Variants in R3HDM1 observed in about 807,000 individuals in gnomAD.
R3HDM1 encodes the protein R3H domain-containing protein 1.
In R3HDM1, 46 loss-of-function variants were observed where a neutral mutation model predicts 141.1. The ratio of observed to expected loss-of-function variants is 0.33; its 90% CI spans 0.26 to 0.42. The LOEUF (loss-of-function observed/expected upper bound fraction) is 0.42, where lower values mean the gene tolerates loss of function less well. Among genes scored for constraint, R3HDM1 ranks in the 10% least tolerant of loss-of-function variants. The probability of loss-of-function intolerance (pLI) is 1.00; values close to 1 mark genes in which losing one functional copy is unlikely to be tolerated. For missense variants in R3HDM1, 1,184 were observed against 1,368.3 expected, an observed-to-expected ratio of 0.87 and a Z score of 2.12; for synonymous variants, 435 against 472.9, an observed-to-expected ratio of 0.92 and a Z score of 1.04.
At chr2:135,652,973 T>C (rs888811976) in intron 18 of R3HDM1, among the ~76,000 whole-genome samples, 68 of 152,108 alleles carry the variant, frequency 4.5e-4, no homozygotes, top group African/African-American at 1.6e-3. Flanking sequence ...CCTTTTTATT[T>C]CTTGGTATTG....
At chr2:135,690,615 GT>G (rs1344334028) in intron 21 of R3HDM1, among the ~76,000 whole-genome samples, 1 of 152,162 alleles carries the variant, frequency 6.6e-6, no homozygotes, top group Non-Finnish European at 1.5e-5. Flanking sequence ...GAAAGATACT[GT>G]TGAAGGAATA....
rs369462989 is a variant in R3HDM1, at chr2:135,645,490, C to A, written c.1586C>A (p.Pro529Gln). The A allele has an allele frequency of 3.7e-6, 6 of 1,614,004 alleles. No homozygotes were observed. The African/African-American group carries it at 8.0e-5, about 22-fold the overall frequency. ...PGPPQPPLPA[P>Q]PQQPAANHIF... Reference sequence around the variant, plus strand: ...CCTCCACAGCCACCTCTGCCAGCCCCACCTCAACAACCAGCAGCTAATCAC... The same window carrying A: ...CCTCCACAGCCACCTCTGCCAGCCCAACCTCAACAACCAGCAGCTAATCAC... Residue 529 changes from proline to glutamine, a missense_variant, in exon 16 of 27, where the codon CCA becomes CAA. By Grantham distance (76) the Pro-to-Gln change is moderately conservative. Around this residue, in one of 5 missense-constraint regions of R3HDM1, gnomAD observed 563 missense variants for 562.0 expected, o/e 1.00. Transcript: ENST00000683871.
intron 21 of R3HDM1, among the ~76,000 whole-genome samples, chr2:135,702,613 G>C (rs1307763202): frequency 6.8e-6 from 1 of 147,726 alleles, no homozygotes; most frequent in African/African-American, 2.5e-5. Flanking sequence ...TCATGACACT[G>C]CACTCCAGCC....
In R3HDM1 at chr2:135,631,981, C is replaced by T. The variant is rs1456387348; in HGVS notation, c.678C>T (p.Asn226=). The change falls in exon 9 of 27, where the codon AAC becomes AAT. Residue 226 remains asparagine, a synonymous_variant. Transcript: ENST00000683871. ...AGAGTGGGAAGTCTGTCATAGTAAA[C>T]AAAACTAGCAATACAAGAATGTAAG... ...VDQSGKSVIV[N]KTSNTRIPDQ... is the part of the protein sequence containing the mutation. 6.2e-7 allele frequency: 1 copy of T among 1,606,982 alleles called. No homozygotes were observed. The highest frequency in any genetic ancestry group is 2.2e-5 in the East Asian group (1 of 44,624).
chr2:135,571,470 C>T (rs1467744933), intron 1 of R3HDM1, among the ~76,000 whole-genome samples: 2 of 151,696 alleles, frequency 1.3e-5, no homozygotes, highest in Admixed American at 6.6e-5. Context: ...GGACTACATG[C>T]GCACACCACC....
intron 21 of R3HDM1, among the ~76,000 whole-genome samples, chr2:135,706,927 G>A (rs1158450178): frequency 1.3e-5 from 2 of 152,082 alleles, no homozygotes; most frequent in East Asian, 1.9e-4. Context: ...CCGGGCAGAG[G>A]GGCTCCTCAC....
In R3HDM1 at chr2:135,670,832, C is replaced by T. The variant is rs151183773; in HGVS notation, c.2153-4500C>T. Among the ~76,000 whole-genome samples, 1,489 of 152,048 alleles carry T rather than the reference C, an allele frequency of 9.8e-3. 22 individuals are homozygous for T. The highest frequency in any genetic ancestry group is 0.034 in the African/African-American group (1,418 of 41,462). On this transcript the variant is annotated intron_variant, in intron 19 of 26. Coordinates refer to ENST00000683871, the MANE Select transcript of R3HDM1 (RefSeq NM_001378107.1). ...CAGCACTTTGGGAGGCCAACAGGGG[C>T]GGTTCACTCTGAGCTCAGGAGTTCA...
At chr2:135,577,191 A>G (rs1161767426) in intron 1 of R3HDM1, 1 of 984,086 alleles carries the variant, frequency 1.0e-6, no homozygotes. Flanking sequence ...AGAGACAACC[A>G]AAGATTGACA....
At chr2:135,657,786 GATTAAGAGAACTTC>G (rs1467221846) in intron 18 of R3HDM1, among the ~76,000 whole-genome samples, 1 of 152,194 alleles carries the variant, frequency 6.6e-6, no homozygotes, top group Non-Finnish European at 1.5e-5. Context: ...AACTAGGTCA[GATTAAGAGAACTTC>G]ATTACTAATA....
chr2:135,629,093 G>T (rs932100366), intron 7 of R3HDM1, among the ~76,000 whole-genome samples: 4 of 152,062 alleles, frequency 2.6e-5, no homozygotes, highest in African/African-American at 9.7e-5. Flanking sequence ...GAGGCGGGTG[G>T]ATCACCTTAG....
intron 21 of R3HDM1, among the ~76,000 whole-genome samples, chr2:135,693,535 C>T (rs1220281643): frequency 6.6e-6 from 1 of 151,970 alleles, no homozygotes; most frequent in Non-Finnish European, 1.5e-5. Flanking sequence ...CTGGCTGTGA[C>T]CAGAAGAGGT....
At chr2:135,616,081 G>A in intron 3 of R3HDM1, 71 bp from the exon 4 acceptor site, 1 of 1,453,270 alleles carries the variant, frequency 6.9e-7, no homozygotes, top group South Asian at 1.2e-5. Flanking sequence ...CTGTGGTTTA[G>A]GACTATGAAT....
At chr2:135,634,171 A>T (rs1289936347) in intron 9 of R3HDM1, among the ~76,000 whole-genome samples, 1 of 152,196 alleles carries the variant, frequency 6.6e-6, no homozygotes, top group East Asian at 1.9e-4. Context: ...TACTTCTTAC[A>T]TATATTTATG....
At chr2:135,583,352 C>T (rs555986892) in intron 1 of R3HDM1, among the ~76,000 whole-genome samples, 1 of 152,182 alleles carries the variant, frequency 6.6e-6, no homozygotes, top group African/African-American at 2.4e-5. Context: ...AGAAATACAG[C>T]ATAGGTGATT....
intron 20 of R3HDM1, among the ~76,000 whole-genome samples, chr2:135,677,546 A>G (rs2069414586): frequency 6.6e-6 from 1 of 151,786 alleles, no homozygotes; most frequent in Admixed American, 6.5e-5. Context: ...TAAACAAATT[A>G]CAGCCTAATT....
intron 24 of R3HDM1, 40 bp from the exon 25 acceptor site, chr2:135,721,884 G>T: frequency 6.4e-7 from 1 of 1,567,876 alleles, no homozygotes; most frequent in Non-Finnish European, 8.8e-7. Flanking sequence ...CACCGTGCCC[G>T]GCCTCTGGCA....
intron 1 of R3HDM1, among the ~76,000 whole-genome samples, chr2:135,579,117 T>C (rs968849849): frequency 2.6e-5 from 4 of 152,136 alleles, no homozygotes; most frequent in Non-Finnish European, 5.9e-5. Context: ...AAGGGAACCA[T>C]GGGTCCTTCG....
intron 23 of R3HDM1, 43 bp from the exon 24 acceptor site, chr2:135,715,507 G>T: frequency 6.3e-7 from 1 of 1,585,184 alleles, no homozygotes; most frequent in Non-Finnish European, 8.6e-7. Context: ...AAATAAGCCT[G>T]CCCAAAATGC....
rs761366629 is a variant in R3HDM1, at chr2:135,645,479, T to C, written c.1575T>C (p.Pro525=). The C allele has an allele frequency of 1.9e-6, 3 of 1,614,106 alleles. No homozygotes were observed. Among genetic ancestry groups the C allele is most frequent in the Non-Finnish European group, 2.5e-6 (3 of 1,179,994 alleles). The change falls in exon 16 of 27, where the codon CCT becomes CCC. Residue 525 remains proline (P), a synonymous_variant. Transcript: ENST00000683871. ...AAGTGCCTGGACCTCCACAGCCACC[T>C]CTGCCAGCCCCACCTCAACAACCAG... The part of the protein sequence containing the change: ...RSQVPGPPQP[P]LPAPPQQPAA...
Sources: gnomAD v4.1 joint callset for allele counts (sites outside exome capture counted in the v4.1 genomes callset) on GRCh38, gnomAD v4.1.1 for gene constraint, gnomAD v4.1.1 regional missense constraint, MANE v1.5 for transcripts, NCBI Gene and HGNC (gene_info 2026-07-23, HGNC 2026-07-21) for gene names.